SLCO5A1: variants seen among roughly 807,000 people sequenced by gnomAD.
The protein encoded by SLCO5A1 is solute carrier organic anion transporter family member 5A1, also known as organic anion transporter polypeptide-related protein 4.
A neutral mutation model predicts 65.1 loss-of-function variants in SLCO5A1; 39 were observed. That is an observed-to-expected ratio of 0.60 (90% CI 0.46 to 0.78). The LOEUF is 0.78. SLCO5A1 is among the 30% of genes least tolerant of loss of function. The probability of loss-of-function intolerance (pLI) is 0.00; values close to 1 mark genes in which losing one functional copy is unlikely to be tolerated. For synonymous variants in SLCO5A1, 438 were observed against 415.7 expected (o/e 1.05, Z -0.65); for missense variants, 1,029 against 1,069.4 (o/e 0.96, Z 0.53).
chr8:69,784,525 C>T (rs899273133), intron 2 of SLCO5A1, among the ~76,000 whole-genome samples: 6 of 152,074 alleles, frequency 3.9e-5, no homozygotes, highest in Non-Finnish European at 5.9e-5. Context: ...CGGTGGCTCA[C>T]GCCTGTAATC....
chr8:69,728,939 G>A (rs1816213487), intron 5 of SLCO5A1, among the ~76,000 whole-genome samples: 1 of 152,082 alleles, frequency 6.6e-6, no homozygotes, highest in African/African-American at 2.4e-5. Context: ...CCAGATGATG[G>A]TGTCCAAGTA....
intron 2 of SLCO5A1, among the ~76,000 whole-genome samples, chr8:69,784,951 A>AAAGAAAGC (rs1472456387): frequency 1.8e-4 from 26 of 147,382 alleles, no homozygotes; most frequent in African/African-American, 6.1e-4. Flanking sequence ...AGAAAGAAAG[A>AAAGAAAGC]AGAAAGGAAG....
At chr8:69,686,402 T>G (rs1814003877) in intron 6 of SLCO5A1, among the ~76,000 whole-genome samples, 1 of 152,232 alleles carries the variant, frequency 6.6e-6, no homozygotes, top group African/African-American at 2.4e-5. Context: ...AGAACCCTTC[T>G]TTGGCTATAC....
At position 69,667,830 on chromosome 8, in the gene SLCO5A1, T is replaced by G. The variant is rs1813223968; in HGVS notation, c.*5039A>C. On this transcript the variant is annotated 3_prime_UTR_variant, in exon 10 of 10. Coordinates refer to ENST00000260126, the MANE Select transcript of SLCO5A1 (RefSeq NM_030958.3). ...TAAAATAAATATCAAAAGCACTGAG[T>G]ATTCCATAGAAAAGTATCCCCCCTT... 6.6e-6 allele frequency: 1 copy of G among 152,234 alleles called. No homozygotes were observed. The highest frequency in any genetic ancestry group is 1.5e-5 in the Non-Finnish European group (1 of 68,040). 9.4% of individuals were successfully genotyped at this position (152,234 alleles called of 1,614,324 possible).
rs545760566 is a variant in SLCO5A1, at chr8:69,704,976, C to T, written c.1622+55G>A. ...GCTGACTGCAGATGCACAAACACCA[C>T]AGGGCTTTGCACCTCCATCGTGCAG... On this transcript the variant is annotated intron_variant, in intron 6 of 9. Coordinates refer to ENST00000260126, the MANE Select transcript of SLCO5A1 (RefSeq NM_030958.3). 63 of 1,536,406 alleles carry T rather than the reference C, an allele frequency of 4.1e-5. No homozygotes were observed. The South Asian group carries it at 5.8e-4, about 14-fold the overall frequency.
chr8:69,828,982 A>C (rs1194104510), intron 2 of SLCO5A1, among the ~76,000 whole-genome samples: 1 of 152,234 alleles, frequency 6.6e-6, no homozygotes, highest in African/African-American at 2.4e-5. Context: ...AAGTTTTCAA[A>C]GTAAATAGAG....
chr8:69,823,710 A>G (rs1208606147), intron 2 of SLCO5A1, among the ~76,000 whole-genome samples: 1 of 152,212 alleles, frequency 6.6e-6, no homozygotes, highest in African/African-American at 2.4e-5. Flanking sequence ...AACATTAGAC[A>G]GATCAACGAG....
At position 69,785,038 on chromosome 8, in the gene SLCO5A1, AAG is replaced by A. The variant is rs746476627; in HGVS notation, c.908-23165_908-23164del. ...AAAGAAAGAAAGGGAAGGAAGGGGA[AAG>A]AGAGAGAGAGAGAAAGGAAGAAAGG... On this transcript the variant is annotated intron_variant, in intron 2 of 9. Transcript: ENST00000260126. 1.7e-4 allele frequency among the ~76,000 whole-genome samples: 26 copies of A among 148,850 alleles called. 1 individual carries two copies. The highest frequency in any genetic ancestry group is 1.7e-4 in the African/African-American group (7 of 40,878).
intron 6 of SLCO5A1, among the ~76,000 whole-genome samples, chr8:69,690,895 G>C (rs180840395): frequency 1.9e-4 from 29 of 152,272 alleles, no homozygotes; most frequent in African/African-American, 6.7e-4. Context: ...AGTTCAAAAA[G>C]ATGACAATTG....
intron 5 of SLCO5A1, among the ~76,000 whole-genome samples, chr8:69,724,861 T>C (rs563662466): frequency 1.3e-5 from 2 of 152,298 alleles, no homozygotes; most frequent in South Asian, 4.1e-4. Context: ...AGTGTGCCAC[T>C]AACTGTGAGG....
intron 6 of SLCO5A1, among the ~76,000 whole-genome samples, chr8:69,688,861 G>A (rs1814114804): frequency 6.6e-6 from 1 of 152,184 alleles, no homozygotes; most frequent in Non-Finnish European, 1.5e-5. Flanking sequence ...CCAGTAATGG[G>A]ATGGCTGGGT....
chr8:69,750,896 A>G (rs1348560004), intron 4 of SLCO5A1, among the ~76,000 whole-genome samples: 1 of 152,172 alleles, frequency 6.6e-6, no homozygotes, highest in African/African-American at 2.4e-5. Context: ...GGAGTACAGC[A>G]CCCTCTATAG....
chr8:69,788,328 A>C (rs1019328819), intron 2 of SLCO5A1, among the ~76,000 whole-genome samples: 1 of 152,212 alleles, frequency 6.6e-6, no homozygotes, highest in Admixed American at 6.5e-5. Flanking sequence ...TCAAGGTGTT[A>C]ATACGGAATT....
intron 5 of SLCO5A1, among the ~76,000 whole-genome samples, chr8:69,729,829 T>C (rs1335896368): frequency 6.6e-6 from 1 of 152,120 alleles, no homozygotes; most frequent in African/African-American, 2.4e-5. Flanking sequence ...AAGATGAAAA[T>C]AGTCACCTCT....
chr8:69,681,999 T>C (rs948167906), intron 7 of SLCO5A1, among the ~76,000 whole-genome samples, 185 bp downstream of exon 7: 2 of 152,020 alleles, frequency 1.3e-5, no homozygotes, highest in African/African-American at 2.4e-5. Context: ...CAGTCATCCC[T>C]GGAAAAAAAA....
In SLCO5A1 at chr8:69,804,334, G is replaced by A. The variant is rs184895058; in HGVS notation, c.907+27433C>T. On this transcript the variant is annotated intron_variant, in intron 2 of 9. Transcript: ENST00000260126. ...GTTTTTGTTTTTTTGTTTTTAGAAG[G>A]AGTCTCACTCACTCTGTCACCCAGG... Among the ~76,000 whole-genome samples the A allele has an allele frequency of 3.1e-3, 465 of 152,058 alleles. 4 individuals are homozygous for A. Among genetic ancestry groups the A allele is most frequent in the South Asian group, 0.012 (57 of 4,810 alleles).
At chr8:69,673,770 T>C (rs1813434269) in intron 9 of SLCO5A1, among the ~76,000 whole-genome samples, 2 of 152,216 alleles carry the variant, frequency 1.3e-5, no homozygotes, top group South Asian at 4.1e-4. Context: ...CGCTTAGTTC[T>C]TGTGGGTTGG....
chr8:69,744,491 A>AG (rs1816940123), intron 4 of SLCO5A1, among the ~76,000 whole-genome samples: 2 of 152,190 alleles, frequency 1.3e-5, no homozygotes, highest in Non-Finnish European at 2.9e-5. Flanking sequence ...TAGACAGTCT[A>AG]GGGGGCTCCC....
At chr8:69,803,109 G>A (rs752156499) in intron 2 of SLCO5A1, among the ~76,000 whole-genome samples, 16 of 152,004 alleles carry the variant, frequency 1.1e-4, no homozygotes, top group South Asian at 2.1e-4. Flanking sequence ...GTGAAATCCC[G>A]TCTCTACTAA....
Sources: gnomAD v4.1 joint callset for allele counts (sites outside exome capture counted in the v4.1 genomes callset) on GRCh38, gnomAD v4.1.1 for gene constraint, MANE v1.5 for transcripts, NCBI Gene and HGNC (gene_info 2026-07-23, HGNC 2026-07-21) for gene names.